NEK10: variants seen among roughly 807,000 people sequenced by gnomAD.
The protein encoded by NEK10 is NIMA related kinase 10.
In NEK10, 122 loss-of-function variants were observed where a neutral mutation model predicts 159.8. That is an observed-to-expected ratio of 0.76 (90% CI 0.66 to 0.89). The LOEUF is 0.89. NEK10 is among the 40% of genes least tolerant of loss of function. The pLI, the probability that NEK10 is intolerant of heterozygous loss-of-function variation, is 0.00. For synonymous variants in NEK10, 466 were observed against 457.1 expected, an observed-to-expected ratio of 1.02 and a Z score of -0.25; for missense variants, 1,342 against 1,323.1, an observed-to-expected ratio of 1.01 and a Z score of -0.22.
At chr3:27,179,486 C>T (rs1020134553) in intron 26 of NEK10, among the ~76,000 whole-genome samples, 4 of 152,188 alleles carry the variant, frequency 2.6e-5, no homozygotes, top group African/African-American at 7.2e-5. Flanking sequence ...AAATGTTTCA[C>T]TGTTATCCCA....
At chr3:27,154,135 A>C (rs142056706) in intron 30 of NEK10, among the ~76,000 whole-genome samples, 15 of 152,310 alleles carry the variant, frequency 9.8e-5, no homozygotes, top group Non-Finnish European at 2.2e-4. Context: ...AACTGACACT[A>C]TGGAAATACA....
At chr3:27,201,750 T>C (rs538900780) in intron 24 of NEK10, among the ~76,000 whole-genome samples, 170 bp from the exon 25 acceptor site, 11 of 152,184 alleles carry the variant, frequency 7.2e-5, no homozygotes, top group Non-Finnish European at 1.3e-4. Flanking sequence ...TAAACAGCTC[T>C]TGAACTGGAA....
intron 5 of NEK10, among the ~76,000 whole-genome samples, chr3:27,326,710 G>A (rs987789396): frequency 6.6e-6 from 1 of 152,078 alleles, no homozygotes; most frequent in Non-Finnish European, 1.5e-5. Flanking sequence ...TGCAATTTGG[G>A]AACTGAAGCC....
intron 5 of NEK10, among the ~76,000 whole-genome samples, chr3:27,337,845 G>A (rs565341491): frequency 6.6e-6 from 1 of 152,154 alleles, no homozygotes; most frequent in South Asian, 2.1e-4. Flanking sequence ...TCAAAACTAT[G>A]AAACTACTAA....
At chr3:27,366,898 G>A (rs985076122) in intron 1 of NEK10, among the ~76,000 whole-genome samples, 1 of 139,338 alleles carries the variant, frequency 7.2e-6, no homozygotes, top group Non-Finnish European at 1.5e-5. Flanking sequence ...TGCAACCTCC[G>A]CCTCCCGGTT....
At chr3:27,299,912 G>T (rs2043671862) in intron 13 of NEK10, among the ~76,000 whole-genome samples, 1 of 152,152 alleles carries the variant, frequency 6.6e-6, no homozygotes, top group Admixed American at 6.5e-5. Context: ...GGAAGTAACT[G>T]ACTTGCTTTT....
At chr3:27,253,829 G>C (rs1214940952) in intron 23 of NEK10, among the ~76,000 whole-genome samples, 3 of 152,094 alleles carry the variant, frequency 2.0e-5, no homozygotes, top group Non-Finnish European at 4.4e-5. Context: ...AAGAATTATA[G>C]AATTACAAAA....
At position 27,192,152 on chromosome 3, in the gene NEK10, TA is replaced by T. The variant is rs1210462191; in HGVS notation, c.2381del (p.Leu794TyrfsTer12). Reference sequence around the variant, plus strand: ...TTTCCAAGGACAACTGGGATGTAGATAAGTTGTCTAAATATTTCATCATGAC... The same window carrying T: ...TTTCCAAGGACAACTGGGATGTAGATAGTTGTCTAAATATTTCATCATGAC... ...SDVMMKYLDNLSTSQLSLEKK... is the reference protein window; with the variant it reads ...SDVMMKYLDNXSTSQLSLEKK... On this transcript the variant is annotated frameshift_variant, in exon 26 of 36. Transcript: ENST00000691995. LOFTEE classifies it high-confidence loss of function. 6.2e-7 allele frequency: 1 copy of T among 1,613,854 alleles called. No homozygotes were observed. Among genetic ancestry groups the T allele is most frequent in the Non-Finnish European group, 8.5e-7 (1 of 1,179,828 alleles).
chr3:27,290,445 G>C (rs1450267517), intron 19 of NEK10, among the ~76,000 whole-genome samples, 172 bp downstream of exon 19: 2 of 152,106 alleles, frequency 1.3e-5, no homozygotes, highest in East Asian at 3.9e-4. Flanking sequence ...AGTGTTTTAT[G>C]CTTCAATGTC....
chr3:27,238,428 G>A (rs1276189121), intron 23 of NEK10, among the ~76,000 whole-genome samples: 1 of 152,136 alleles, frequency 6.6e-6, no homozygotes, highest in Non-Finnish European at 1.5e-5. Context: ...ATTTTCTGCA[G>A]AGAATATACT....
rs1462109587 is a variant in NEK10 at position 27,162,756 on chromosome 3, G to A, written c.2832-18C>T. 6.2e-7 allele frequency: 1 copy of A among 1,613,868 alleles called. No individual in the cohort carries two copies. Among genetic ancestry groups the A allele is most frequent in the Non-Finnish European group, 8.5e-7 (1 of 1,179,974 alleles). ...TGAAGTCCCTGAAAATAGAATTACA[G>A]GCCATTAGAATGACCTGTTCAACTT... On this transcript the variant is annotated intron_variant, in intron 29 of 35. Transcript: ENST00000691995.
chr3:27,194,851 C>T (rs1949430016), intron 25 of NEK10, among the ~76,000 whole-genome samples: 1 of 152,162 alleles, frequency 6.6e-6, no homozygotes, highest in Non-Finnish European at 1.5e-5. Context: ...AGACAATATT[C>T]TCTTAATAGT....
At chr3:27,159,351 C>T (rs1294463721) in intron 30 of NEK10, among the ~76,000 whole-genome samples, 1 of 152,082 alleles carries the variant, frequency 6.6e-6, no homozygotes, top group Non-Finnish European at 1.5e-5. Flanking sequence ...TGATACTATA[C>T]TGGTTCTCAT....
chr3:27,355,836 C>T (rs1381033554), intron 1 of NEK10, among the ~76,000 whole-genome samples: 2 of 152,210 alleles, frequency 1.3e-5, no homozygotes, highest in Non-Finnish European at 2.9e-5. Flanking sequence ...CTCCCTCTTG[C>T]TTCCTCCACT....
At chr3:27,117,616 T>C (rs1410112920) in intron 33 of NEK10, among the ~76,000 whole-genome samples, 1 of 152,244 alleles carries the variant, frequency 6.6e-6, no homozygotes, top group Non-Finnish European at 1.5e-5. Context: ...GTTGGCCGCA[T>C]AAATGTCTTC....
chr3:27,132,227 CATTG>C (rs1428048062), intron 31 of NEK10, among the ~76,000 whole-genome samples: 2 of 152,138 alleles, frequency 1.3e-5, no homozygotes, highest in African/African-American at 4.8e-5. Context: ...ATTGTTTCTT[CATTG>C]ATTGATATTA....
At chr3:27,352,598 G>T in intron 2 of NEK10, 73 bp from the exon 3 acceptor site, 2 of 1,108,132 alleles carry the variant, frequency 1.8e-6, no homozygotes, top group East Asian at 2.4e-5. Context: ...CCCACTGATG[G>T]CATTGCCACT....
intron 1 of NEK10, among the ~76,000 whole-genome samples, chr3:27,356,220 T>C (rs896612450): frequency 2.0e-5 from 3 of 152,168 alleles, no homozygotes; most frequent in African/African-American, 7.2e-5. Flanking sequence ...CTTTATAAAT[T>C]ACCTAGTCTG....
intron 1 of NEK10, among the ~76,000 whole-genome samples, chr3:27,359,138 G>T (rs1471594818): frequency 6.8e-6 from 1 of 147,994 alleles, no homozygotes; most frequent in Non-Finnish European, 1.5e-5. Flanking sequence ...GGAGGCAGAG[G>T]TTGCAGTGAG....
Sources: allele counts gnomAD v4.1 joint callset (sites outside exome capture counted in the v4.1 genomes callset), GRCh38; gene constraint gnomAD v4.1.1; transcripts MANE v1.5; gene names NCBI Gene and HGNC (gene_info 2026-07-23, HGNC 2026-07-21).